INO80D: variants seen among roughly 807,000 people sequenced by gnomAD.
INO80D encodes INO80 complex subunit D.
A neutral mutation model predicts 87.6 loss-of-function variants in INO80D; 21 were observed. That is an observed-to-expected ratio of 0.24 (90% CI 0.17 to 0.35). The LOEUF (loss-of-function observed/expected upper bound fraction) is 0.35. Among genes scored for constraint, INO80D ranks in the 10% least tolerant of loss-of-function variants. INO80D has a pLI of 1.00. For synonymous variants in INO80D, 440 were observed against 491.0 expected (o/e 0.90, Z 1.37); for missense variants, 982 against 1,280.7 (o/e 0.77, Z 3.56).
chr2:206,045,848 T>C (rs1186211653), intron 5 of INO80D, among the ~76,000 whole-genome samples: 2 of 152,202 alleles, frequency 1.3e-5, no homozygotes, highest in African/African-American at 2.4e-5. Flanking sequence ...AGAGGCAAGA[T>C]AGTGGGACTC....
chr2:206,013,618 T>C (rs1007747146), intron 8 of INO80D, among the ~76,000 whole-genome samples: 4 of 151,938 alleles, frequency 2.6e-5, no homozygotes, highest in African/African-American at 9.7e-5. Context: ...AAGCAGACAC[T>C]GAAGTACAGT....
chr2:206,021,693 A>G lies in INO80D; in HGVS notation c.1299-1848T>C, dbSNP rs187686784. On this transcript the variant is annotated intron_variant, in intron 6 of 10. Coordinates refer to ENST00000403263, the MANE Select transcript of INO80D (RefSeq NM_017759.5). ...AATGGTGCGATCTCGACTCACTGCA[A>G]CCCTCACCTCCCGGGTTCAGGTGAT... Among the ~76,000 whole-genome samples the G allele has an allele frequency of 5.0e-3, 764 of 152,120 alleles. 7 individuals carry two copies. Among genetic ancestry groups the G allele is most frequent in the African/African-American group, 0.018 (731 of 41,506 alleles).
Position 206,085,243 on chromosome 2 carries a change from AGGCCGCCCGCCCCGCCCCGCCCCGGCCT to A in INO80D, c.-124+630_-124+657del, listed in dbSNP as rs1477904838. ...CCCTCCACCCGACCCCACGCCCGCCAGGCCGCCCGCCCCGCCCCGCCCCGGCCTGGCCGTCCGGAGCGCGGAGGAGGGG... is the reference window on the plus strand; with the variant it reads ...CCCTCCACCCGACCCCACGCCCGCCAGGCCGTCCGGAGCGCGGAGGAGGGG... On this transcript the variant is annotated intron_variant, in intron 1 of 10. Transcript: ENST00000403263. This position sits in a 1 kb window ranked among gnomAD's most constrained non-coding sequence, Gnocchi z 4.5. Among the ~76,000 whole-genome samples, 2 of 151,356 alleles carry A rather than the reference AGGCCGCCCGCCCCGCCCCGCCCCGGCCT, an allele frequency of 1.3e-5. No homozygotes were observed. Among genetic ancestry groups the A allele is most frequent in the Admixed American group, 6.6e-5 (1 of 15,244 alleles).
intron 5 of INO80D, among the ~76,000 whole-genome samples, chr2:206,046,102 C>T (rs1689186483): frequency 6.6e-6 from 1 of 152,138 alleles, no homozygotes; most frequent in Non-Finnish European, 1.5e-5. Flanking sequence ...TACATTTACT[C>T]CCAAGTGGAA....
chr2:206,078,612 C>T (rs1690187808), intron 1 of INO80D, among the ~76,000 whole-genome samples: 1 of 151,686 alleles, frequency 6.6e-6, no homozygotes, highest in African/African-American at 2.4e-5. Context: ...CCTGGGGCAA[C>T]ATAGTAAGAC....
chr2:206,081,156 C>G (rs1189133815), intron 1 of INO80D, among the ~76,000 whole-genome samples: 1 of 152,114 alleles, frequency 6.6e-6, no homozygotes, highest in African/African-American at 2.4e-5. Flanking sequence ...TCCAAGGTCA[C>G]ACAGTCAGGA....
Position 206,028,170 on chromosome 2 carries a change from T to A in INO80D, c.1239A>T (p.Glu413Asp), listed in dbSNP as rs983984218. Residue 413 changes from glutamate (E) to aspartate (D), a missense_variant, in exon 6 of 11, where the codon GAA becomes GAT. Glu to Asp is a conservative substitution (Grantham distance 45). Coordinates refer to ENST00000403263, the MANE Select transcript of INO80D (RefSeq NM_017759.5). ...RKALLQAASK[E>D]PECTGQLIQE... ...GTATTAACTGACCAGTGCATTCTGG[T>A]TCTTTACTGGCCGCCTGCAGCAAAG... The A allele has an allele frequency of 6.3e-7, 1 of 1,585,580 alleles. No homozygotes were observed. The highest frequency in any genetic ancestry group is 1.3e-5 in the African/African-American group (1 of 74,502).
At position 205,997,065 on chromosome 2, in the gene INO80D, A is replaced by G. The variant is rs568587028; in HGVS notation, c.*7303T>C. 1.3e-5 allele frequency: 2 copies of G among 152,264 alleles called. No individual in the cohort carries two copies. Among genetic ancestry groups the G allele is most frequent in the South Asian group, 4.1e-4 (2 of 4,826 alleles). The allele number at this position is 152,264 out of a possible 1,614,324, so 9.4% of individuals were successfully genotyped here. A position where few individuals can be genotyped will look rare whatever the true frequency, so the allele number is the denominator to read the frequency against. ...TCAAGAGACAACTACAAATTCAGGTATATTATCAGAAGTTGCTTTGACATA... is the reference window on the plus strand; with the variant it reads ...TCAAGAGACAACTACAAATTCAGGTGTATTATCAGAAGTTGCTTTGACATA... On this transcript the variant is annotated 3_prime_UTR_variant, in exon 11 of 11. Coordinates refer to ENST00000403263, the MANE Select transcript of INO80D (RefSeq NM_017759.5).
At chr2:206,081,622 A>T (rs1389630011) in intron 1 of INO80D, among the ~76,000 whole-genome samples, 1 of 151,906 alleles carries the variant, frequency 6.6e-6, no homozygotes, top group East Asian at 1.9e-4. Flanking sequence ...GCATGGTGGC[A>T]AGCACCTGTA....
chr2:206,042,446 C>A (rs1049838685), intron 5 of INO80D, among the ~76,000 whole-genome samples: 1 of 151,020 alleles, frequency 6.6e-6, no homozygotes, highest in Non-Finnish European at 1.5e-5. Flanking sequence ...CTTTGGGAGG[C>A]GGAGGCAGGT....
chr2:206,075,463 A>G (rs1226239294), intron 1 of INO80D, among the ~76,000 whole-genome samples: 78 of 150,860 alleles, frequency 5.2e-4, no homozygotes, highest in African/African-American at 1.8e-3. Flanking sequence ...TAAAGACAGA[A>G]TCTCATTCTG....
chr2:206,024,226 A>C (rs1688541844), intron 6 of INO80D, among the ~76,000 whole-genome samples: 1 of 152,124 alleles, frequency 6.6e-6, no homozygotes. Flanking sequence ...TCAATACTGG[A>C]GATTTAGGAA....
chr2:206,023,111 G>C (rs1401370962), intron 6 of INO80D, among the ~76,000 whole-genome samples: 1 of 152,034 alleles, frequency 6.6e-6, no homozygotes, highest in Non-Finnish European at 1.5e-5. Context: ...TGAGGCAGGA[G>C]AACCACTTGA....
intron 1 of INO80D, among the ~76,000 whole-genome samples, chr2:206,073,987 G>A (rs1690041150): frequency 6.6e-6 from 1 of 152,056 alleles, no homozygotes; most frequent in African/African-American, 2.4e-5. Context: ...GGGATTACAG[G>A]CGTGAACCAC....
In INO80D at chr2:206,021,881, T is replaced by C. The variant is rs1276585682; in HGVS notation, c.1299-2036A>G. Among the ~76,000 whole-genome samples the C allele has an allele frequency of 5.9e-5, 9 of 152,134 alleles. No homozygotes were observed. In the South Asian group the frequency reaches 1.0e-3, roughly 18 times the overall value. ...CACCTGCCTCAGCCTCCCAAAGTGC[T>C]GGGATTACTGGCATGAGTCACCACA... On this transcript the variant is annotated intron_variant, in intron 6 of 10. Coordinates refer to ENST00000403263, the MANE Select transcript of INO80D (RefSeq NM_017759.5).
intron 5 of INO80D, among the ~76,000 whole-genome samples, chr2:206,041,642 GT>G (rs1186709476): frequency 2.0e-5 from 3 of 152,292 alleles, no homozygotes; most frequent in South Asian, 4.1e-4. Flanking sequence ...GATATAACAA[GT>G]TGACAAACAT....
At position 206,056,786 on chromosome 2, in the gene INO80D, G is replaced by A. The variant is rs765557633; in HGVS notation, c.376C>T (p.Leu126=). The change falls in exon 4 of 11, where the codon CTG becomes TTG. Residue 126 remains leucine (L), a synonymous_variant. Coordinates refer to ENST00000403263, the MANE Select transcript of INO80D (RefSeq NM_017759.5). ...PTLALKMPNG[L]DGMSLSPPGA... ...GGTGGAGAGAGGGACATTCCATCCA[G>A]TCCGTTGGGCATCTTCAAGGCCAAC... The A allele has an allele frequency of 5.0e-6, 8 of 1,612,696 alleles. No homozygotes were observed. Among genetic ancestry groups the A allele is most frequent in the Middle Eastern group, 3.3e-4 (2 of 6,062 alleles).
intron 5 of INO80D, 59 bp from the exon 6 acceptor site, chr2:206,028,394 G>A (rs1046323420): frequency 4.4e-6 from 6 of 1,350,628 alleles, no homozygotes; most frequent in African/African-American, 1.5e-5. Flanking sequence ...ATTTTAGACA[G>A]GGTAAACGAG....
At chr2:206,015,792 C>T (rs945899851) in intron 8 of INO80D, among the ~76,000 whole-genome samples, 3 of 152,050 alleles carry the variant, frequency 2.0e-5, no homozygotes, top group African/African-American at 7.2e-5. Context: ...GAGGCTGAGG[C>T]ACAAGAATTG....
Sources: allele counts gnomAD v4.1 joint callset (sites outside exome capture counted in the v4.1 genomes callset), GRCh38; gene constraint gnomAD v4.1.1; non-coding constraint Gnocchi (gnomAD v3.1); transcripts MANE v1.5; gene names NCBI Gene and HGNC (gene_info 2026-07-23, HGNC 2026-07-21).